Variants in LRP1B observed in about 807,000 individuals in gnomAD.
The protein encoded by LRP1B is low-density lipoprotein receptor-related protein 1B.
LRP1B carries 217 observed loss-of-function variants against 556.6 expected under a neutral mutation model. The observed-to-expected ratio is 0.39, with a 90% CI of 0.35 to 0.44. LRP1B has a LOEUF of 0.44. LRP1B is among the 20% of genes least tolerant of loss of function. LRP1B has a pLI of 1.00. For missense variants in LRP1B, 5,053 were observed against 5,620.8 expected, an observed-to-expected ratio of 0.90 and a Z score of 3.23; for synonymous variants, 2,047 against 1,865.8, an observed-to-expected ratio of 1.10 and a Z score of -2.50.
At chr2:140,634,995 C>T (rs1402336900) in intron 41 of LRP1B, among the ~76,000 whole-genome samples, 1 of 152,006 alleles carries the variant, frequency 6.6e-6, no homozygotes, top group Non-Finnish European at 1.5e-5. Flanking sequence ...TCAATTGTAA[C>T]AAACACATGA....
chr2:140,477,396 T>A (rs1688018253), intron 59 of LRP1B, among the ~76,000 whole-genome samples: 1 of 152,130 alleles, frequency 6.6e-6, no homozygotes, highest in Admixed American at 6.5e-5. Flanking sequence ...AAAGTAATAA[T>A]TCAGTGATTT....
At chr2:140,940,813 A>G (rs902352468) in intron 20 of LRP1B, among the ~76,000 whole-genome samples, 2 of 152,108 alleles carry the variant, frequency 1.3e-5, no homozygotes, top group African/African-American at 2.4e-5. Context: ...GTCAAATGGT[A>G]TTTCTGGTTC....
chr2:140,990,995 G>A (rs1404251402), intron 16 of LRP1B, among the ~76,000 whole-genome samples: 2 of 152,060 alleles, frequency 1.3e-5, no homozygotes, highest in East Asian at 1.9e-4. Context: ...TTGTTGATAC[G>A]TGGTTTTATC....
chr2:141,621,063 T>C (rs1337636441), intron 2 of LRP1B, among the ~76,000 whole-genome samples: 1 of 152,198 alleles, frequency 6.6e-6, no homozygotes, highest in African/African-American at 2.4e-5. Context: ...GCATTTGTAC[T>C]TGAGAAAGTA....
chr2:141,379,784 G>A (rs1689571053), intron 3 of LRP1B, among the ~76,000 whole-genome samples: 1 of 151,998 alleles, frequency 6.6e-6, no homozygotes, highest in Non-Finnish European at 1.5e-5. Context: ...TTTTAAACAG[G>A]CACATGAGTA....
chr2:141,153,299 A>ATATAAGCTATATATATTTAT (rs1344077435), intron 7 of LRP1B, among the ~76,000 whole-genome samples: 2 of 124,186 alleles, frequency 1.6e-5, no homozygotes, highest in African/African-American at 6.0e-5. Flanking sequence ...ATTTATATAT[A>ATATAAGCTATATATATTTAT]ATATATTATA....
rs769928329 is a variant in LRP1B at position 140,485,497 on chromosome 2, C to T, written c.9271G>A (p.Ala3091Thr). 6.5e-5 allele frequency: 105 copies of T among 1,613,480 alleles called. No individual in the cohort carries two copies. The highest frequency in any genetic ancestry group is 8.6e-5 in the Non-Finnish European group (102 of 1,179,738). ...TTTCCAATCCAATCGACAGCAAGTGCATTGGGGACCGCTGTGTTATGAACT... is the reference window on the plus strand; with the variant it reads ...TTTCCAATCCAATCGACAGCAAGTGTATTGGGGACCGCTGTGTTATGAACT... ...KVVHNTAVPN[A>T]LAVDWIGKNL... Residue 3091 changes from alanine to threonine, a missense_variant, in exon 59 of 91, where the codon GCA (alanine) becomes ACA (threonine). Transcript: ENST00000389484.
intron 14 of LRP1B, among the ~76,000 whole-genome samples, chr2:141,006,443 C>T (rs72849528): frequency 0.036 from 5,463 of 151,968 alleles, 177 homozygotes; most frequent in Non-Finnish European, 0.044. Flanking sequence ...TGAATAAATA[C>T]AATTTAGATT....
chr2:140,348,546 A>G (rs1386355), intron 77 of LRP1B, among the ~76,000 whole-genome samples: 67,250 of 151,756 alleles, frequency 0.44, 15,588 homozygotes, highest in Non-Finnish European at 0.53. Context: ...AATGCTAATA[A>G]TCATGGGAGA....
chr2:140,320,011 A>G (rs1680015070), intron 82 of LRP1B, among the ~76,000 whole-genome samples: 1 of 152,132 alleles, frequency 6.6e-6, no homozygotes, highest in Non-Finnish European at 1.5e-5. Flanking sequence ...TGAATGACTT[A>G]TTATTTCCTT....
rs147688964 is a variant in LRP1B at position 141,389,052 on chromosome 2, C to T, written c.343+91344G>A. On this transcript the variant is annotated intron_variant, in intron 3 of 90. Coordinates refer to ENST00000389484, the MANE Select transcript of LRP1B (RefSeq NM_018557.3). ...ATTTGAAACTTAATATATTAAGATG[C>T]CACTACTACTCACACTAGATTCAGT... Among the ~76,000 whole-genome samples, 1,263 of 152,166 alleles carry T rather than the reference C, an allele frequency of 8.3e-3. 20 individuals are homozygous for T. Among genetic ancestry groups the T allele is most frequent in the African/African-American group, 0.028 (1,169 of 41,522 alleles).
At chr2:140,371,141 A>G (rs2105166485) in intron 70 of LRP1B, 38 bp downstream of exon 70, 1 of 1,311,618 alleles carries the variant, frequency 7.6e-7, no homozygotes, top group Non-Finnish European at 1.1e-6. Context: ...AACCTAATTC[A>G]TGTAATTCAA....
At chr2:142,113,488 C>CACA (rs796521404) in intron 1 of LRP1B, among the ~76,000 whole-genome samples, 2 of 146,544 alleles carry the variant, frequency 1.4e-5, no homozygotes, top group Non-Finnish European at 3.0e-5. Context: ...ACAGTTGCCA[C>CACA]AAAAAAAAAA....
intron 32 of LRP1B, among the ~76,000 whole-genome samples, chr2:140,802,214 G>T (rs182654765): frequency 6.6e-6 from 1 of 152,224 alleles, no homozygotes; most frequent in African/African-American, 2.4e-5. Flanking sequence ...AAATTTGTAA[G>T]GTCATTTTTG....
intron 7 of LRP1B, among the ~76,000 whole-genome samples, chr2:141,174,515 T>C (rs1251301062): frequency 1.3e-5 from 2 of 152,120 alleles, no homozygotes; most frequent in East Asian, 3.9e-4. Flanking sequence ...TCCCCGTTTT[T>C]CTCTCTTGCC....
At chr2:141,324,028 CCA>C (rs57105906) in intron 3 of LRP1B, among the ~76,000 whole-genome samples, 31,429 of 112,730 alleles carry the variant, frequency 0.28, 4,993 homozygotes, top group East Asian at 0.72. Context: ...AACAAGGAAA[CCA>C]CACACACACA....
At chr2:141,398,035 C>T (rs1690307959) in intron 3 of LRP1B, among the ~76,000 whole-genome samples, 1 of 152,058 alleles carries the variant, frequency 6.6e-6, no homozygotes, top group Non-Finnish European at 1.5e-5. Context: ...GGAAGATACT[C>T]TTCATCGTAT....
chr2:141,224,927 C>T (rs1462438778), intron 6 of LRP1B, among the ~76,000 whole-genome samples: 1 of 152,004 alleles, frequency 6.6e-6, no homozygotes, highest in Non-Finnish European at 1.5e-5. Context: ...TACATGTTTT[C>T]CTATGTAACA....
At chr2:141,601,645 T>TCCTTCCTC (rs1553540729) in intron 2 of LRP1B, among the ~76,000 whole-genome samples, 1 of 144,100 alleles carries the variant, frequency 6.9e-6, no homozygotes, top group African/African-American at 2.6e-5. Context: ...CTTCCTTCCT[T>TCCTTCCTC]TTTTTTTCCT....
Sources: allele counts gnomAD v4.1 joint callset (sites outside exome capture counted in the v4.1 genomes callset), GRCh38; gene constraint gnomAD v4.1.1; transcripts MANE v1.5; gene names NCBI Gene and HGNC (gene_info 2026-07-23, HGNC 2026-07-21).